MYO9A: variants seen among roughly 807,000 people sequenced by gnomAD.
The protein encoded by MYO9A is myosin IXA.
A neutral mutation model predicts 293.3 loss-of-function variants in MYO9A; 103 were observed. That is an observed-to-expected ratio of 0.35 (90% confidence interval 0.30 to 0.41). The LOEUF is 0.41. MYO9A is among the 10% of genes least tolerant of loss of function. The pLI, the probability that MYO9A is intolerant of heterozygous loss-of-function variation, is 1.00. For missense variants in MYO9A, 2,685 were observed against 3,033.0 expected, an observed-to-expected ratio of 0.89 and a Z score of 2.69; for synonymous variants, 1,001 against 1,035.7, an observed-to-expected ratio of 0.97 and a Z score of 0.64.
chr15:72,065,199 AT>A (rs2078983627), intron 1 of MYO9A, among the ~76,000 whole-genome samples: 1 of 152,204 alleles, frequency 6.6e-6, no homozygotes. Flanking sequence ...TAAAATTAAC[AT>A]TTCTAGAATA....
chr15:72,104,016 C>T (rs34625473), intron 1 of MYO9A, among the ~76,000 whole-genome samples: 6,762 of 152,280 alleles, frequency 0.044, 264 homozygotes, highest in East Asian at 0.18. Flanking sequence ...CAACTTATGA[C>T]GGTTCAACTT....
intron 9 of MYO9A, among the ~76,000 whole-genome samples, chr15:71,998,684 C>T (rs1018865275): frequency 2.6e-5 from 4 of 151,060 alleles, no homozygotes; most frequent in African/African-American, 9.7e-5. Context: ...CCCATTAACT[C>T]GTCATTTAGC....
intron 9 of MYO9A, among the ~76,000 whole-genome samples, chr15:71,996,410 TACC>T (rs2076700459): frequency 2.0e-5 from 3 of 152,218 alleles, no homozygotes; most frequent in Admixed American, 1.3e-4. Context: ...GCCAATACGA[TACC>T]TATTTGTTTA....
At chr15:72,109,445 G>A (rs1296759067) in intron 1 of MYO9A, among the ~76,000 whole-genome samples, 2 of 151,666 alleles carry the variant, frequency 1.3e-5, no homozygotes, top group South Asian at 4.2e-4. Flanking sequence ...ATGCAAATAT[G>A]GATGGCATAA....
intron 39 of MYO9A, among the ~76,000 whole-genome samples, chr15:71,832,800 C>T (rs962781915): frequency 5.3e-5 from 8 of 152,014 alleles, no homozygotes; most frequent in Non-Finnish European, 8.8e-5. Flanking sequence ...AACATAATAG[C>T]GATGTGTTGA....
At chr15:71,840,807 T>G (rs2055128363) in intron 39 of MYO9A, among the ~76,000 whole-genome samples, 1 of 152,064 alleles carries the variant, frequency 6.6e-6, no homozygotes, top group South Asian at 2.1e-4. Context: ...TTTTTTTGTA[T>G]TTTTTAGTAG....
chr15:72,021,620 T>C (rs183176818), intron 4 of MYO9A, among the ~76,000 whole-genome samples: 1 of 152,274 alleles, frequency 6.6e-6, no homozygotes. Context: ...CTTCATATCA[T>C]GCAAAGATCT....
chr15:72,047,774 C>CTTTTTTTTTTTTTT (rs11397735), intron 1 of MYO9A, among the ~76,000 whole-genome samples: 5 of 74,390 alleles, frequency 6.7e-5, no homozygotes, highest in Non-Finnish European at 9.1e-5. Flanking sequence ...CAGTTACTTC[C>CTTTTTTTTTTTTTT]TTTTTTTTTT....
chr15:71,845,681 T>C (rs2055353748), intron 39 of MYO9A, among the ~76,000 whole-genome samples: 1 of 152,202 alleles, frequency 6.6e-6, no homozygotes. Context: ...ACACATTTAG[T>C]TTTTAAAAAG....
chr15:71,874,222 C>T (rs528297834), intron 32 of MYO9A, among the ~76,000 whole-genome samples: 27 of 152,290 alleles, frequency 1.8e-4, no homozygotes, highest in Non-Finnish European at 2.8e-4. Flanking sequence ...ATTTTGTTTA[C>T]AAGCAAGAGG....
At chr15:72,027,508 C>T (rs1002892783) in intron 4 of MYO9A, among the ~76,000 whole-genome samples, 2 of 152,190 alleles carry the variant, frequency 1.3e-5, no homozygotes, top group African/African-American at 4.8e-5. Flanking sequence ...TGAGAAACTG[C>T]TTACTTGTTC....
chr15:72,044,634 T>C (rs1438882983), intron 2 of MYO9A, among the ~76,000 whole-genome samples: 5 of 152,222 alleles, frequency 3.3e-5, no homozygotes, highest in African/African-American at 1.2e-4. Flanking sequence ...GGAGTACTTG[T>C]CCTTCTGTAT....
chr15:72,117,896 G>A lies in MYO9A; in HGVS notation c.-288C>T, dbSNP rs1420524922. On this transcript the variant is annotated 5_prime_UTR_variant, in exon 1 of 42. Transcript: ENST00000356056. ...AGAGAGACTCCGCCCGGCCTGAGCA[G>A]GCACATCCCCCGCCGCACCCCGCCC... 2.5e-6 allele frequency: 1 copy of A among 398,392 alleles called. No individual in the cohort carries two copies. Among genetic ancestry groups the A allele is most frequent in the Non-Finnish European group, 4.4e-6 (1 of 226,024 alleles). 24.7% of individuals were successfully genotyped at this position (398,392 alleles called of 1,614,324 possible).
chr15:71,881,303 T>C (rs534926305), intron 28 of MYO9A, among the ~76,000 whole-genome samples: 5 of 152,254 alleles, frequency 3.3e-5, no homozygotes, highest in South Asian at 2.1e-4. Context: ...TGAAAATGTT[T>C]ACCTCCTCTC....
chr15:71,867,747 A>G (rs1013221287), intron 32 of MYO9A, among the ~76,000 whole-genome samples: 4 of 151,694 alleles, frequency 2.6e-5, no homozygotes, highest in Non-Finnish European at 5.9e-5. Flanking sequence ...ATTTATCAAA[A>G]TAACAAATGC....
intron 32 of MYO9A, among the ~76,000 whole-genome samples, chr15:71,873,690 TA>T (rs2056594157): frequency 6.6e-6 from 1 of 152,202 alleles, no homozygotes; most frequent in African/African-American, 2.4e-5. Flanking sequence ...AATAAACATT[TA>T]TTTGTGTATT....
intron 1 of MYO9A, among the ~76,000 whole-genome samples, chr15:72,078,866 C>G (rs1031102418): frequency 1.3e-5 from 2 of 152,072 alleles, no homozygotes; most frequent in Non-Finnish European, 2.9e-5. Context: ...CTAAGTAAAT[C>G]CAAAAAGCCT....
At chr15:72,025,502 A>T (rs2077637387) in intron 4 of MYO9A, among the ~76,000 whole-genome samples, 1 of 152,134 alleles carries the variant, frequency 6.6e-6, no homozygotes, top group African/African-American at 2.4e-5. Flanking sequence ...CTGGAAATAC[A>T]GGCGCATGCA....
chr15:72,029,287 A>G (rs1233865812), intron 3 of MYO9A, among the ~76,000 whole-genome samples: 1 of 152,240 alleles, frequency 6.6e-6, no homozygotes. Context: ...ACAGAGGTAC[A>G]TTCTGAGAAA....
Sources: gnomAD v4.1 joint callset for allele counts (sites outside exome capture counted in the v4.1 genomes callset) on GRCh38, gnomAD v4.1.1 for gene constraint, MANE v1.5 for transcripts, NCBI Gene and HGNC (gene_info 2026-07-23, HGNC 2026-07-21) for gene names.